RANBP2: variants seen among roughly 807,000 people sequenced by gnomAD.
RANBP2 encodes RAN binding protein 2, also known as E3 SUMO-protein ligase RanBP2.
In RANBP2, 57 loss-of-function variants were observed where a neutral mutation model predicts 303.6. The observed-to-expected ratio is 0.19, with a 90% CI of 0.15 to 0.23. The LOEUF is 0.23. RANBP2 is among the 10% of genes least tolerant of loss of function. RANBP2 has a pLI of 1.00. For synonymous variants in RANBP2, 1,167 were observed against 1,301.5 expected, an observed-to-expected ratio of 0.90 and a Z score of 2.23; for missense variants, 3,138 against 3,780.8, an observed-to-expected ratio of 0.83 and a Z score of 4.46.
chr2:109,014,980 C>G, the RANBP2 span, among the ~76,000 whole-genome samples: 14 of 151,818 alleles, frequency 9.2e-5, no homozygotes, highest in East Asian at 7.8e-4. Context: ...ATTAGCCAGG[C>G]GTGGTGGCAC....
chr2:108,789,059 T>G (rs1679464837), downstream of RANBP2: 1 of 1,323,660 alleles, frequency 7.6e-7, no homozygotes, highest in East Asian at 2.3e-5. Flanking sequence ...TGCTCTTTCC[T>G]GAGGACAAGT....
intron 7 of RANBP2, among the ~76,000 whole-genome samples, chr2:108,742,567 G>A (rs2149173604): frequency 6.6e-6 from 1 of 152,122 alleles, no homozygotes; most frequent in South Asian, 2.1e-4. Flanking sequence ...GCCTCTCAAA[G>A]TGCTGGGATT....
the RANBP2 span, among the ~76,000 whole-genome samples, chr2:108,902,349 C>G: frequency 6.6e-6 from 1 of 152,154 alleles, no homozygotes; most frequent in Non-Finnish European, 1.5e-5. Flanking sequence ...GCACTCCAGC[C>G]TGGGTGACAT....
chr2:109,515,557 C>T, the RANBP2 span, among the ~76,000 whole-genome samples: 1 of 152,086 alleles, frequency 6.6e-6, no homozygotes, highest in Non-Finnish European at 1.5e-5. Context: ...CTCAGGAGAG[C>T]GCCTCATCCC....
the RANBP2 span, chr2:109,545,399 C>T: frequency 4.6e-5 from 71 of 1,535,490 alleles, no homozygotes; most frequent in Middle Eastern, 3.3e-4. Flanking sequence ...AACCTACACG[C>T]CTTGCGATTA....
At chr2:108,831,541 GAC>G in the RANBP2 span, among the ~76,000 whole-genome samples, 1 of 152,198 alleles carries the variant, frequency 6.6e-6, no homozygotes, top group Admixed American at 6.5e-5. Flanking sequence ...GCTAGGAAAA[GAC>G]AGTGTTTGCT....
At chr2:109,289,038 C>A in the RANBP2 span, among the ~76,000 whole-genome samples, 1 of 152,168 alleles carries the variant, frequency 6.6e-6, no homozygotes, top group Admixed American at 6.5e-5. Context: ...CACTAACATT[C>A]GTTTGTCAAC....
At chr2:108,836,777 T>C in the RANBP2 span, among the ~76,000 whole-genome samples, 2 of 152,210 alleles carry the variant, frequency 1.3e-5, no homozygotes, top group Non-Finnish European at 2.9e-5. Flanking sequence ...GTTTTTTACC[T>C]CCTTGCTTAG....
the RANBP2 span, among the ~76,000 whole-genome samples, chr2:109,695,225 T>C: frequency 1.3e-5 from 2 of 152,240 alleles, no homozygotes; most frequent in Non-Finnish European, 2.9e-5. Flanking sequence ...GAAACATTTC[T>C]ATATTGGCTG....
At chr2:109,574,332 G>C in the RANBP2 span, among the ~76,000 whole-genome samples, 2 of 150,512 alleles carry the variant, frequency 1.3e-5, no homozygotes, top group Non-Finnish European at 1.5e-5. Flanking sequence ...TATAGTCCCA[G>C]CTACCTGGGA....
At chr2:108,902,575 C>CA in the RANBP2 span, among the ~76,000 whole-genome samples, 4 of 152,044 alleles carry the variant, frequency 2.6e-5, no homozygotes, top group African/African-American at 9.7e-5. Context: ...CAGACAAAGA[C>CA]AAAAAACAAA....
the RANBP2 span, among the ~76,000 whole-genome samples, chr2:109,540,691 G>A: frequency 0.054 from 8,125 of 151,066 alleles, 673 homozygotes; most frequent in East Asian, 0.24. Flanking sequence ...GTTGGGCATG[G>A]TGATGTGCCT....
the RANBP2 span, among the ~76,000 whole-genome samples, chr2:109,157,322 A>G: frequency 6.6e-6 from 1 of 152,214 alleles, no homozygotes; most frequent in Non-Finnish European, 1.5e-5. Flanking sequence ...CCTTTTTAAA[A>G]ACTTAAAATT....
the RANBP2 span, among the ~76,000 whole-genome samples, chr2:109,111,397 AC>A: frequency 6.6e-6 from 1 of 152,178 alleles, no homozygotes; most frequent in Non-Finnish European, 1.5e-5. Flanking sequence ...TCAGGATGTG[AC>A]TAGATCAAGC....
chr2:109,036,234 AC>A, the RANBP2 span, among the ~76,000 whole-genome samples: 1 of 152,232 alleles, frequency 6.6e-6, no homozygotes. Context: ...CAAACGGCTC[AC>A]AAAAAAGAAA....
the RANBP2 span, among the ~76,000 whole-genome samples, chr2:109,043,404 G>A: frequency 6.7e-3 from 1,020 of 151,920 alleles, 6 homozygotes; most frequent in East Asian, 0.035. Context: ...GTGCAGTGGC[G>A]CCATCTCAGC....
the RANBP2 span, among the ~76,000 whole-genome samples, chr2:109,601,955 G>A: frequency 1.3e-5 from 2 of 152,228 alleles, no homozygotes; most frequent in Admixed American, 6.5e-5. Flanking sequence ...ATGGAAATGC[G>A]CTTCCCGAGG....
chr2:109,111,255 A>AT, the RANBP2 span, among the ~76,000 whole-genome samples: 3 of 151,772 alleles, frequency 2.0e-5, no homozygotes, highest in Non-Finnish European at 4.4e-5. Context: ...TTCAAATCCC[A>AT]TTTTTTTCGA....
chr2:108,870,157 CAAAG>C, the RANBP2 span, among the ~76,000 whole-genome samples: 1 of 151,892 alleles, frequency 6.6e-6, no homozygotes, highest in African/African-American at 2.4e-5. Context: ...TTTCTGTCAA[CAAAG>C]AAACAAATTA....
Sources: gnomAD v4.1 joint callset for allele counts (sites outside exome capture counted in the v4.1 genomes callset) on GRCh38, gnomAD v4.1.1 for gene constraint, MANE v1.5 for transcripts, NCBI Gene and HGNC (gene_info 2026-07-23, HGNC 2026-07-21) for gene names.